PATJ: variants seen among roughly 807,000 people sequenced by gnomAD.
PATJ encodes the protein PATJ crumbs cell polarity complex component.
In PATJ, 190 loss-of-function variants were observed where a neutral mutation model predicts 224.9. The ratio of observed to expected loss-of-function variants is 0.84; its 90% CI spans 0.75 to 0.95. The LOEUF is 0.95. Ranked by LOEUF, PATJ falls within the 40% of genes least tolerant of loss-of-function variation. The pLI is 0.00. For synonymous variants in PATJ, 769 were observed against 820.3 expected, an observed-to-expected ratio of 0.94 and a Z score of 1.07; for missense variants, 2,121 against 2,270.3, an observed-to-expected ratio of 0.93 and a Z score of 1.34.
chr1:61,786,242 G>A (rs1168848613), intron 7 of PATJ, among the ~76,000 whole-genome samples: 6 of 152,190 alleles, frequency 3.9e-5, no homozygotes, highest in African/African-American at 1.2e-4. Context: ...GGCTGGTCTC[G>A]AACTCCTGGC....
chr1:62,120,946 A>G, intron 37 of PATJ: 1 of 431,420 alleles, frequency 2.3e-6, no homozygotes. Context: ...GGTGATTGAA[A>G]CCATATACAA....
At position 61,864,463 on chromosome 1, in the gene PATJ, T is replaced by C. The variant is rs753782097; in HGVS notation, c.2665T>C (p.Tyr889His). 63 of 1,614,032 alleles carry C rather than the reference T, an allele frequency of 3.9e-5. No homozygotes were observed. Among genetic ancestry groups the C allele is most frequent in the Non-Finnish European group, 5.3e-5 (62 of 1,179,878 alleles). The change falls in exon 20 of 44, where the codon TAT becomes CAT. Residue 889 changes from tyrosine (Y) to histidine (H), a missense_variant. Coordinates refer to ENST00000642238, the MANE Select transcript of PATJ (RefSeq NM_001350145.3). ...AGATCCCTCACCATCCATGGAGTTG[T>C]ATCCCTTGTCGCACATTCAAGAGGC... ...YQDPSPSMEL[Y>H]PLSHIQEATP...
chr1:62,156,861 AGCT>A (rs1403722137), intron 43 of PATJ, among the ~76,000 whole-genome samples: 7 of 150,876 alleles, frequency 4.6e-5, no homozygotes, highest in Non-Finnish European at 1.0e-4. Context: ...ATCTGCAGTG[AGCT>A]GTGATCACAC....
intron 30 of PATJ, among the ~76,000 whole-genome samples, chr1:62,049,243 TCACACACACACACACA>T (rs60099928): frequency 1.2e-4 from 16 of 137,198 alleles, no homozygotes; most frequent in Non-Finnish European, 1.6e-4. Context: ...AAGTAAGCAA[TCACACACACACACACA>T]CACACACACA....
chr1:62,079,916 T>C (rs1471206443), intron 32 of PATJ, among the ~76,000 whole-genome samples: 1 of 151,398 alleles, frequency 6.6e-6, no homozygotes, highest in African/African-American at 2.4e-5. Context: ...TAATCCCAGC[T>C]ACTCGGGAGG....
chr1:62,017,275 A>G (rs1646820393), intron 28 of PATJ, among the ~76,000 whole-genome samples: 1 of 152,030 alleles, frequency 6.6e-6, no homozygotes, highest in Non-Finnish European at 1.5e-5. Context: ...TTAGCCAGGC[A>G]TGGTGGTGCA....
intron 41 of PATJ, among the ~76,000 whole-genome samples, chr1:62,141,639 C>T (rs962186190): frequency 4.0e-5 from 6 of 150,846 alleles, no homozygotes; most frequent in African/African-American, 1.2e-4. Flanking sequence ...TGTGCCACTG[C>T]ACTCCAGCCT....
chr1:62,051,999 G>A (rs1306804580), intron 31 of PATJ, among the ~76,000 whole-genome samples: 1 of 152,160 alleles, frequency 6.6e-6, no homozygotes, highest in East Asian at 1.9e-4. Flanking sequence ...GCTGGGAGAT[G>A]GCTGCCCTAC....
At chr1:61,852,991 G>T (rs565403117) in intron 17 of PATJ, among the ~76,000 whole-genome samples, 1 of 152,308 alleles carries the variant, frequency 6.6e-6, no homozygotes, top group Non-Finnish European at 1.5e-5. Context: ...GAGGTAGCTA[G>T]TTTGTCCCCT....
chr1:61,917,401 T>G (rs1055581924), intron 26 of PATJ, among the ~76,000 whole-genome samples: 3 of 152,334 alleles, frequency 2.0e-5, no homozygotes, highest in Admixed American at 2.0e-4. Context: ...TTGCTAAGAA[T>G]TTTTACCATG....
intron 31 of PATJ, among the ~76,000 whole-genome samples, chr1:62,063,959 G>A (rs1295748477): frequency 6.6e-6 from 1 of 152,132 alleles, no homozygotes; most frequent in African/African-American, 2.4e-5. Flanking sequence ...CAGAGAATTT[G>A]ACTTTTTATT....
intron 8 of PATJ, 50 bp from the exon 9 acceptor site, chr1:61,791,298 C>T: frequency 9.4e-7 from 1 of 1,061,014 alleles, no homozygotes; most frequent in Non-Finnish European, 1.5e-6. Flanking sequence ...ACTATGTACA[C>T]ACAGGTATGC....
chr1:62,105,598 G>A (rs914352581), intron 33 of PATJ, among the ~76,000 whole-genome samples: 2 of 152,060 alleles, frequency 1.3e-5, no homozygotes, highest in Non-Finnish European at 2.9e-5. Flanking sequence ...CAAACTCTTA[G>A]CAGTGTAAAC....
rs556066609 is a variant in PATJ at position 61,882,501 on chromosome 1, A to G, written c.2960-1736A>G. ...GGTTTATAGTCTTCCAAATTTTTCCAGTTTGTATGAAACGCTACCTGTCTA... is the reference window on the plus strand; with the variant it reads ...GGTTTATAGTCTTCCAAATTTTTCCGGTTTGTATGAAACGCTACCTGTCTA... On this transcript the variant is annotated intron_variant, in intron 21 of 43. Transcript: ENST00000642238. Among the ~76,000 whole-genome samples the G allele has an allele frequency of 9.8e-5, 15 of 152,340 alleles. No homozygotes were observed. The South Asian group carries it at 2.9e-3, about 29-fold the overall frequency.
chr1:62,084,770 A>G (rs927249657), intron 33 of PATJ, 122 bp downstream of exon 33: 2 of 984,014 alleles, frequency 2.0e-6, no homozygotes, highest in South Asian at 1.5e-5. Context: ...AAATGTGATT[A>G]TAAATAGATG....
At chr1:61,797,795 C>T (rs1351110128) in intron 11 of PATJ, among the ~76,000 whole-genome samples, 2 of 151,756 alleles carry the variant, frequency 1.3e-5, no homozygotes, top group Non-Finnish European at 2.9e-5. Context: ...TTGCAGACTT[C>T]GGGTTTCCTA....
intron 17 of PATJ, among the ~76,000 whole-genome samples, chr1:61,834,651 G>C (rs564418261): frequency 2.0e-5 from 3 of 152,176 alleles, no homozygotes; most frequent in African/African-American, 4.8e-5. Flanking sequence ...AAAATGCCAA[G>C]TGATATTTAA....
At chr1:61,837,285 C>A (rs2148813807) in intron 17 of PATJ, among the ~76,000 whole-genome samples, 1 of 152,236 alleles carries the variant, frequency 6.6e-6, no homozygotes, top group South Asian at 2.1e-4. Flanking sequence ...TCAAAGATGG[C>A]ACCACACTAT....
At chr1:61,892,017 A>G (rs530022781) in intron 22 of PATJ, among the ~76,000 whole-genome samples, 2 of 152,260 alleles carry the variant, frequency 1.3e-5, no homozygotes, top group East Asian at 3.9e-4. Flanking sequence ...TCTTTTACTC[A>G]AGACAATGTC....
Sources: allele counts gnomAD v4.1 joint callset (sites outside exome capture counted in the v4.1 genomes callset), GRCh38; gene constraint gnomAD v4.1.1; transcripts MANE v1.5; gene names NCBI Gene and HGNC (gene_info 2026-07-23, HGNC 2026-07-21).